Variants in PLCL1 observed in about 807,000 individuals in gnomAD.
PLCL1 encodes the protein phospholipase C like 1 (inactive).
In PLCL1, 41 loss-of-function variants were observed where a neutral mutation model predicts 84.4. The observed-to-expected ratio is 0.49, with a 90% CI of 0.38 to 0.63. PLCL1 has a LOEUF of 0.63. Among genes scored for constraint, PLCL1 ranks in the 30% least tolerant of loss-of-function variants. The pLI is 0.00. For missense variants in PLCL1, 1,206 were observed against 1,367.8 expected, an observed-to-expected ratio of 0.88 and a Z score of 1.87; for synonymous variants, 490 against 488.3, an observed-to-expected ratio of 1.00 and a Z score of -0.05.
chr2:198,147,048 T>A lies in PLCL1; in HGVS notation c.*86T>A. On this transcript the variant is annotated 3_prime_UTR_variant, in exon 6 of 6. Transcript: ENST00000428675. ...TTTCTTTCTTTAAATGTTTTATAAG[T>A]TCACAAAATGGTGCCCTATATGGGG... 8.7e-7 allele frequency: 1 copy of A among 1,154,712 alleles called. No individual in the cohort carries two copies. Among genetic ancestry groups the A allele is most frequent in the Non-Finnish European group, 1.2e-6 (1 of 833,076 alleles). The allele number at this position is 1,154,712 out of a possible 1,614,324, so 71.5% of individuals were successfully genotyped here.
intron 1 of PLCL1, among the ~76,000 whole-genome samples, chr2:197,897,174 C>CT (rs1450944398): frequency 1.3e-4 from 4 of 29,836 alleles, no homozygotes; most frequent in African/African-American, 2.3e-4. Context: ...TCTTCTTCTT[C>CT]TTCTTCTTCT....
chr2:198,003,000 C>T (rs1480617919), intron 1 of PLCL1, among the ~76,000 whole-genome samples: 1 of 152,108 alleles, frequency 6.6e-6, no homozygotes, highest in African/African-American at 2.4e-5. Context: ...AAGCAATTAA[C>T]TTCTGGAAGC....
chr2:198,104,068 A>T, intron 5 of PLCL1, 132 bp downstream of exon 5: 2 of 489,460 alleles, frequency 4.1e-6, no homozygotes, highest in Middle Eastern at 6.7e-4. Context: ...TCAGGGTTAC[A>T]TGTGCAGGTT....
rs189762917 is a variant in PLCL1 at position 197,936,026 on chromosome 2, A to C, written c.240+130687A>C. 2.2e-3 allele frequency among the ~76,000 whole-genome samples: 334 copies of C among 152,046 alleles called. 3 individuals are homozygous for C. Among genetic ancestry groups the C allele is most frequent in the African/African-American group, 7.5e-3 (311 of 41,480 alleles). On this transcript the variant is annotated intron_variant, in intron 1 of 5. Transcript: ENST00000428675. ...TGTTCTTCTGTTCCTAGCTTATTTC[A>C]CTTAGCATAATTCCTCCAGGTTCAT...
intron 1 of PLCL1, among the ~76,000 whole-genome samples, chr2:197,984,118 T>C (rs1218283184): frequency 6.6e-6 from 1 of 152,244 alleles, no homozygotes; most frequent in Non-Finnish European, 1.5e-5. Context: ...TTAGTCTGTG[T>C]AGTGATTAGG....
At chr2:197,918,646 G>A (rs1412577043) in intron 1 of PLCL1, among the ~76,000 whole-genome samples, 8 of 152,118 alleles carry the variant, frequency 5.3e-5, no homozygotes, top group Admixed American at 5.2e-4. Flanking sequence ...AGTTGGCCAG[G>A]CACGGTGGCT....
chr2:197,808,320 T>C (rs186364573), intron 1 of PLCL1, among the ~76,000 whole-genome samples: 65 of 152,344 alleles, frequency 4.3e-4, no homozygotes, highest in African/African-American at 1.5e-3. Context: ...ACCTGCAGTA[T>C]TGATAATCTC....
chr2:198,063,350 TGA>T (rs1417139432), intron 1 of PLCL1, among the ~76,000 whole-genome samples: 2 of 146,440 alleles, frequency 1.4e-5, no homozygotes, highest in Non-Finnish European at 3.0e-5. Flanking sequence ...CAAGGGAGAG[TGA>T]GTGGTCTGCA....
In PLCL1 at chr2:197,926,022, G is replaced by C. The variant is rs187380251; in HGVS notation, c.240+120683G>C. Among the ~76,000 whole-genome samples the C allele has an allele frequency of 8.5e-5, 13 of 152,272 alleles. No homozygotes were observed. In the East Asian group the frequency reaches 2.5e-3, roughly 29 times the overall value. ...GTTTGTCAGTTATGGCTTTTGGTTTGTCTTTGAGGGGGTCTTGTTTTCCCT... is the reference window on the plus strand; with the variant it reads ...GTTTGTCAGTTATGGCTTTTGGTTTCTCTTTGAGGGGGTCTTGTTTTCCCT... On this transcript the variant is annotated intron_variant, in intron 1 of 5. Coordinates refer to ENST00000428675, the MANE Select transcript of PLCL1 (RefSeq NM_006226.4).
rs181413337 is a variant in PLCL1 at position 197,865,530 on chromosome 2, C to T, written c.240+60191C>T. 3.5e-3 allele frequency among the ~76,000 whole-genome samples: 534 copies of T among 152,132 alleles called. 1 individual carries two copies. The highest frequency in any genetic ancestry group is 5.9e-3 in the Non-Finnish European group (401 of 67,982). On this transcript the variant is annotated intron_variant, in intron 1 of 5. Coordinates refer to ENST00000428675, the MANE Select transcript of PLCL1 (RefSeq NM_006226.4). ...CAGGACAGAAAACTACCGATATGGC[C>T]GTGAGAGCATGGAAGCTTAGATCAG...
chr2:197,873,891 G>T (rs1473265403), intron 1 of PLCL1, among the ~76,000 whole-genome samples: 1 of 152,106 alleles, frequency 6.6e-6, no homozygotes, highest in Non-Finnish European at 1.5e-5. Flanking sequence ...CTTATTTTTT[G>T]TTGGAAACCC....
At chr2:198,077,193 C>G (rs2105890347) in intron 1 of PLCL1, among the ~76,000 whole-genome samples, 1 of 152,250 alleles carries the variant, frequency 6.6e-6, no homozygotes, top group African/African-American at 2.4e-5. Flanking sequence ...ACCCTTTACT[C>G]TCAGTCTTGT....
At chr2:197,853,961 C>G (rs558883849) in intron 1 of PLCL1, among the ~76,000 whole-genome samples, 7 of 152,156 alleles carry the variant, frequency 4.6e-5, no homozygotes, top group Admixed American at 3.3e-4. Flanking sequence ...TTCATCTGGA[C>G]CAGTTCCTCA....
intron 1 of PLCL1, among the ~76,000 whole-genome samples, chr2:197,847,197 G>A (rs116775614): frequency 2.0e-5 from 3 of 152,010 alleles, no homozygotes; most frequent in Non-Finnish European, 2.9e-5. Context: ...TCCTCATCCC[G>A]GGGGGGTAAT....
chr2:198,047,988 A>G (rs1021683402), intron 1 of PLCL1, among the ~76,000 whole-genome samples: 5 of 152,210 alleles, frequency 3.3e-5, no homozygotes, highest in Non-Finnish European at 5.9e-5. Flanking sequence ...CACATTGCCA[A>G]CCACAAAATT....
intron 1 of PLCL1, among the ~76,000 whole-genome samples, chr2:197,812,974 C>T (rs1690616570): frequency 6.6e-6 from 1 of 152,180 alleles, no homozygotes; most frequent in South Asian, 2.1e-4. Flanking sequence ...AAAGCCCACA[C>T]CCCACCTCCC....
At chr2:198,058,550 T>C (rs998698200) in intron 1 of PLCL1, among the ~76,000 whole-genome samples, 1 of 151,712 alleles carries the variant, frequency 6.6e-6, no homozygotes, top group African/African-American at 2.4e-5. Flanking sequence ...AAAAATCATT[T>C]TGAGGGATAT....
intron 1 of PLCL1, among the ~76,000 whole-genome samples, chr2:197,978,456 C>T (rs1466794964): frequency 1.3e-5 from 2 of 151,998 alleles, no homozygotes; most frequent in African/African-American, 4.8e-5. Flanking sequence ...CCAGCCTGGT[C>T]GACAGAGGGA....
rs187885982 is a variant in PLCL1 at position 198,129,034 on chromosome 2, C to T, written c.3106-17746C>T. Among the ~76,000 whole-genome samples, 11 of 152,272 alleles carry T rather than the reference C, an allele frequency of 7.2e-5. No individual in the cohort carries two copies. In the East Asian group the frequency reaches 1.4e-3, roughly 19 times the overall value. On this transcript the variant is annotated intron_variant, in intron 5 of 5. Coordinates refer to ENST00000428675, the MANE Select transcript of PLCL1 (RefSeq NM_006226.4). The stretch of plus-strand genomic sequence containing the variant: ...GTAGGCTCTTTGTAGCAATAAGATA[C>T]CAAATTCCAACCTGACTCCAGTATA...
Sources: allele counts gnomAD v4.1 joint callset (sites outside exome capture counted in the v4.1 genomes callset), GRCh38; gene constraint gnomAD v4.1.1; transcripts MANE v1.5; gene names NCBI Gene and HGNC (gene_info 2026-07-23, HGNC 2026-07-21).